The following VPS13B variants were observed in gnomAD, a reference collection of about 807,000 sequenced individuals.
VPS13B encodes vacuolar protein sorting 13 homolog B.
In VPS13B, 285 loss-of-function variants were observed where a neutral mutation model predicts 426.4. That is an observed-to-expected ratio of 0.67 (90% CI 0.61 to 0.74). VPS13B has a LOEUF of 0.74. VPS13B is among the 30% of genes least tolerant of loss of function. The pLI, the probability that VPS13B is intolerant of heterozygous loss-of-function variation, is 0.00. For missense variants in VPS13B, 4,537 were observed against 4,782.6 expected (o/e 0.95, Z 1.51); for synonymous variants, 1,676 against 1,676.4 (o/e 1.00, Z 0.01).
intron 3 of VPS13B, among the ~76,000 whole-genome samples, chr8:99,067,727 A>C (rs145258691): frequency 6.6e-6 from 1 of 152,252 alleles, no homozygotes; most frequent in Admixed American, 6.5e-5. Context: ...AGTATAATGT[A>C]TAATTTAACC....
chr8:99,081,311 T>C (rs528576186), intron 3 of VPS13B, among the ~76,000 whole-genome samples: 17 of 152,220 alleles, frequency 1.1e-4, no homozygotes, highest in Non-Finnish European at 1.5e-4. Context: ...TTCTCTTTTT[T>C]ATGTTATTGC....
At chr8:99,421,202 G>A (rs934280237) in intron 21 of VPS13B, among the ~76,000 whole-genome samples, 1 of 152,116 alleles carries the variant, frequency 6.6e-6, no homozygotes, top group Non-Finnish European at 1.5e-5. Context: ...GTACCAAGTT[G>A]AATGGTTCAT....
chr8:99,084,685 T>G (rs1263498415), intron 3 of VPS13B, among the ~76,000 whole-genome samples: 1 of 152,214 alleles, frequency 6.6e-6, no homozygotes, highest in Non-Finnish European at 1.5e-5. Context: ...AAGAACATCT[T>G]TATTTCTGCC....
chr8:99,411,473 T>C (rs1432925383), intron 21 of VPS13B, among the ~76,000 whole-genome samples: 1 of 152,146 alleles, frequency 6.6e-6, no homozygotes, highest in East Asian at 1.9e-4. Flanking sequence ...CCCTTTGTCA[T>C]ATGGATAGAT....
At chr8:99,045,676 C>T (rs933940342) in intron 3 of VPS13B, among the ~76,000 whole-genome samples, 1 of 152,146 alleles carries the variant, frequency 6.6e-6, no homozygotes, top group African/African-American at 2.4e-5. Flanking sequence ...TTTATAGTTT[C>T]AGGTCTTAGA....
Position 99,556,476 on chromosome 8 carries a change from G to A in VPS13B, c.4772G>A (p.Arg1591Gln), listed in dbSNP as rs754267693. The change falls in exon 31 of 62, where the codon CGA becomes CAA. Residue 1591 changes from arginine to glutamine, a missense_variant. Transcript: ENST00000357162. ...AGAGCCTTGAACTTAGGAATTCTTC[G>A]AGATCCTGGATCAGAAATCGAAGAC... ...YQRALNLGIL[R>Q]DPGSEIEDRQ... 47 of 1,612,308 alleles carry A rather than the reference G, an allele frequency of 2.9e-5. No individual in the cohort carries two copies. The highest frequency in any genetic ancestry group is 3.3e-5 in the South Asian group (3 of 91,036).
intron 51 of VPS13B, among the ~76,000 whole-genome samples, chr8:99,830,674 G>A (rs1311581275): frequency 6.6e-6 from 1 of 152,158 alleles, no homozygotes; most frequent in Non-Finnish European, 1.5e-5. Context: ...AGCTAGCTCG[G>A]TATCTGCCCA....
In VPS13B at chr8:99,693,126, A is replaced by G. The variant is rs550446205; in HGVS notation, c.6047-6399A>G. Among the ~76,000 whole-genome samples, 12 of 146,604 alleles carry G rather than the reference A, an allele frequency of 8.2e-5. 1 individual carries two copies. In the South Asian group the frequency reaches 2.2e-3, roughly 26 times the overall value. ...AATTCTACCAGAGGTACAAGGAGGAACTGGTACCATTCCTTCTGAAACTAT... is the reference window on the plus strand; with the variant it reads ...AATTCTACCAGAGGTACAAGGAGGAGCTGGTACCATTCCTTCTGAAACTAT... On this transcript the variant is annotated intron_variant, in intron 35 of 61. Coordinates refer to ENST00000357162, the MANE Select transcript of VPS13B (RefSeq NM_152564.5).
chr8:99,132,208 C>T (rs1211345409), intron 8 of VPS13B, among the ~76,000 whole-genome samples: 1 of 152,082 alleles, frequency 6.6e-6, no homozygotes, highest in Non-Finnish European at 1.5e-5. Flanking sequence ...CAGAGTAGAA[C>T]CTCTGTCGAA....
At chr8:99,614,845 C>T (rs191319884) in intron 33 of VPS13B, among the ~76,000 whole-genome samples, 25 of 152,100 alleles carry the variant, frequency 1.6e-4, no homozygotes, top group African/African-American at 5.8e-4. Flanking sequence ...CAGCCAGATG[C>T]GGTGGCTCAC....
At chr8:99,572,171 A>C (rs1279069210) in intron 31 of VPS13B, among the ~76,000 whole-genome samples, 3 of 152,200 alleles carry the variant, frequency 2.0e-5, no homozygotes, top group Non-Finnish European at 4.4e-5. Flanking sequence ...TTGCTAACGA[A>C]ACATAAATGT....
intron 17 of VPS13B, among the ~76,000 whole-genome samples, chr8:99,267,139 A>G (rs1047768731): frequency 6.6e-6 from 1 of 152,180 alleles, no homozygotes; most frequent in Non-Finnish European, 1.5e-5. Flanking sequence ...AACTTCCTAG[A>G]GACTTGTTGA....
chr8:99,310,815 T>C (rs1250444559), intron 19 of VPS13B, among the ~76,000 whole-genome samples: 1 of 151,294 alleles, frequency 6.6e-6, no homozygotes, highest in Non-Finnish European at 1.5e-5. Flanking sequence ...TCCATTTGGT[T>C]GGTAGGCTAT....
intron 39 of VPS13B, among the ~76,000 whole-genome samples, chr8:99,763,926 G>A (rs1811073938): frequency 6.6e-6 from 1 of 152,084 alleles, no homozygotes; most frequent in Non-Finnish European, 1.5e-5. Context: ...TCAAGTCACT[G>A]TTTAAAGAAA....
intron 48 of VPS13B, 42 bp downstream of exon 48, chr8:99,819,624 C>A (rs551604119): frequency 6.3e-7 from 1 of 1,597,298 alleles, no homozygotes; most frequent in South Asian, 1.1e-5. Context: ...AATTTCTCAA[C>A]ATTAACAAAT....
chr8:99,570,351 T>G (rs1825410988), intron 31 of VPS13B, among the ~76,000 whole-genome samples: 1 of 152,154 alleles, frequency 6.6e-6, no homozygotes, highest in South Asian at 2.1e-4. Context: ...TCTCTCCATG[T>G]CTCTTCGTTT....
At chr8:99,766,481 C>T (rs1034031195) in intron 39 of VPS13B, among the ~76,000 whole-genome samples, 1 of 152,128 alleles carries the variant, frequency 6.6e-6, no homozygotes, top group Admixed American at 6.5e-5. Context: ...CTAGCCTTAT[C>T]TTTTACTTAC....
intron 20 of VPS13B, among the ~76,000 whole-genome samples, chr8:99,386,664 A>T (rs1814143132): frequency 6.6e-6 from 1 of 152,228 alleles, no homozygotes; most frequent in African/African-American, 2.4e-5. Context: ...AATTATAGGT[A>T]TATTTTTCGA....
chr8:99,421,057 T>C (rs1241991542), intron 21 of VPS13B, among the ~76,000 whole-genome samples: 1 of 152,180 alleles, frequency 6.6e-6, no homozygotes, highest in Non-Finnish European at 1.5e-5. Flanking sequence ...TTTTTAACTT[T>C]AAGGTGGAAG....
Sources: gnomAD v4.1 joint callset for allele counts (sites outside exome capture counted in the v4.1 genomes callset) on GRCh38, gnomAD v4.1.1 for gene constraint, MANE v1.5 for transcripts, NCBI Gene and HGNC (gene_info 2026-07-23, HGNC 2026-07-21) for gene names.